KDM2A: variants seen among roughly 807,000 people sequenced by gnomAD.
The protein encoded by KDM2A is lysine demethylase 2A, also known as lysine-specific demethylase 2A.
Under a neutral mutation model 137.3 loss-of-function variants are expected in KDM2A, and 3 were observed. The ratio of observed to expected loss-of-function variants is 0.02; its 90% CI spans 0.01 to 0.06. KDM2A has a LOEUF of 0.06. Ranked by LOEUF, KDM2A falls within the 10% of genes least tolerant of loss-of-function variation. The probability of loss-of-function intolerance (pLI) is 1.00; values close to 1 mark genes in which losing one functional copy is unlikely to be tolerated. For missense variants in KDM2A, 738 were observed against 1,510.6 expected (o/e 0.49, Z 8.48); for synonymous variants, 512 against 541.5 (o/e 0.95, Z 0.76).
At chr11:67,183,874 T>C (rs1857144917) in intron 5 of KDM2A, among the ~76,000 whole-genome samples, 1 of 152,016 alleles carries the variant, frequency 6.6e-6, no homozygotes, top group South Asian at 2.1e-4. Context: ...TCTGGGAGGC[T>C]GAGGCAGGTG....
At chr11:67,159,522 C>T (rs1479226738) in intron 2 of KDM2A, among the ~76,000 whole-genome samples, 1 of 152,110 alleles carries the variant, frequency 6.6e-6, no homozygotes, top group Non-Finnish European at 1.5e-5. Flanking sequence ...TGTATCAGGT[C>T]AGGAGATACA....
At chr11:67,148,466 CAAAT>C (rs1856306932) in intron 2 of KDM2A, among the ~76,000 whole-genome samples, 1 of 151,624 alleles carries the variant, frequency 6.6e-6, no homozygotes, top group Non-Finnish European at 1.5e-5. Flanking sequence ...GGGTAAAACT[CAAAT>C]AATAGGTATC....
At chr11:67,134,653 C>A (rs561805283) in intron 2 of KDM2A, among the ~76,000 whole-genome samples, 1 of 151,750 alleles carries the variant, frequency 6.6e-6, no homozygotes, top group Non-Finnish European at 1.5e-5. Context: ...TACAGGTATG[C>A]GTCGCCACGC....
intron 9 of KDM2A, among the ~76,000 whole-genome samples, chr11:67,218,970 A>G (rs888535930): frequency 1.3e-5 from 2 of 152,208 alleles, no homozygotes; most frequent in Admixed American, 1.3e-4. Flanking sequence ...CAGGGAAGCC[A>G]AAAGATTGGA....
In KDM2A at chr11:67,255,705, C is replaced by T; in HGVS notation, c.*650C>T. ...CACATAATTAGGTTTCCCACCCCAGCCTACCCGACTTACTTGCTAGTCTCT... is the reference window on the plus strand; with the variant it reads ...CACATAATTAGGTTTCCCACCCCAGTCTACCCGACTTACTTGCTAGTCTCT... On this transcript the variant is annotated 3_prime_UTR_variant, in exon 21 of 21. Coordinates refer to ENST00000529006, the MANE Select transcript of KDM2A (RefSeq NM_012308.3). 1 of 391,684 alleles carries T rather than the reference C, an allele frequency of 2.6e-6. No homozygotes were observed. The highest frequency in any genetic ancestry group is 1.9e-5 in the South Asian group (1 of 53,930). The allele number at this position is 391,684 out of a possible 1,614,324, so 24.3% of individuals were successfully genotyped here. A position where few individuals can be genotyped will look rare whatever the true frequency, so the allele number is the denominator to read the frequency against.
In KDM2A at chr11:67,255,049, C is replaced by G; in HGVS notation, c.3483C>G (p.Ile1161Met). ...CLSDEKLIQK[I>M]S ...CTGACGAGAAGCTGATACAGAAGAT[C>G]AGCTAAGACACACCCAGCCCAGATT... The change falls in exon 21 of 21, where the codon ATC (isoleucine) becomes ATG (methionine). Residue 1161 changes from isoleucine (I) to methionine (M), a missense_variant. Ile to Met is a conservative substitution (Grantham distance 10). Around this residue, in one of 9 missense-constraint regions of KDM2A, gnomAD observed 166 missense variants for 324.0 expected, o/e 0.51. Transcript: ENST00000529006. 1 of 1,608,868 alleles carries G rather than the reference C, an allele frequency of 6.2e-7. No individual in the cohort carries two copies. The highest frequency in any genetic ancestry group is 2.2e-5 in the East Asian group (1 of 44,678).
At chr11:67,216,546 C>CT (rs1265311141) in intron 8 of KDM2A, among the ~76,000 whole-genome samples, 2 of 152,224 alleles carry the variant, frequency 1.3e-5, no homozygotes, top group Non-Finnish European at 2.9e-5. Flanking sequence ...TCTTGTTACT[C>CT]TTTTTTCTCT....
At chr11:67,240,509 G>A (rs562369226) in intron 12 of KDM2A, 1 of 722,156 alleles carries the variant, frequency 1.4e-6, no homozygotes, top group East Asian at 2.7e-5. Flanking sequence ...TGCTTGAGCC[G>A]TCATTGCACT....
At chr11:67,237,030 T>G (rs914057081) in intron 12 of KDM2A, among the ~76,000 whole-genome samples, 1 of 152,080 alleles carries the variant, frequency 6.6e-6, no homozygotes, top group Non-Finnish European at 1.5e-5. Flanking sequence ...AGTGGCAGAG[T>G]CTATCCTGAG....
chr11:67,258,067 G>T lies in KDM2A; in HGVS notation c.*3012G>T, dbSNP rs149129143. The T allele has an allele frequency of 5.9e-5, 9 of 152,154 alleles. No individual in the cohort carries two copies. Among genetic ancestry groups the T allele is most frequent in the African/African-American group, 1.9e-4 (8 of 41,488 alleles). The allele number at this position is 152,154 out of a possible 1,614,324, so 9.4% of individuals were successfully genotyped here. A position where few individuals can be genotyped will look rare whatever the true frequency, so the allele number is the denominator to read the frequency against. The stretch of plus-strand genomic sequence containing the variant: ...TTTGTTTTTTTAAAAAAATAAAAAG[G>T]CTTTAAAAACAAAAACTAAACCTTT... On this transcript the variant is annotated 3_prime_UTR_variant, in exon 21 of 21. Coordinates refer to ENST00000529006, the MANE Select transcript of KDM2A (RefSeq NM_012308.3).
At chr11:67,150,862 G>A (rs1179551802) in intron 2 of KDM2A, among the ~76,000 whole-genome samples, 1 of 151,890 alleles carries the variant, frequency 6.6e-6, no homozygotes, top group Non-Finnish European at 1.5e-5. Flanking sequence ...TTGGAGGTGG[G>A]GGTGGGGTGG....
intron 2 of KDM2A, among the ~76,000 whole-genome samples, chr11:67,154,163 A>C (rs1856464318): frequency 6.6e-6 from 1 of 152,230 alleles, no homozygotes; most frequent in Non-Finnish European, 1.5e-5. Context: ...TTAGTCACTC[A>C]GTGTATTAAT....
At chr11:67,179,576 G>A (rs11227728) in intron 2 of KDM2A, among the ~76,000 whole-genome samples, 9,491 of 152,160 alleles carry the variant, frequency 0.062, 993 homozygotes, top group African/African-American at 0.22. Flanking sequence ...CACCGCACCC[G>A]GCCTGGAATG....
At chr11:67,141,493 C>T (rs1006007386) in intron 2 of KDM2A, among the ~76,000 whole-genome samples, 7 of 151,286 alleles carry the variant, frequency 4.6e-5, no homozygotes, top group East Asian at 1.9e-4. Flanking sequence ...GGTGAAACCC[C>T]GTCTCTACTA....
chr11:67,143,134 G>A (rs1856155320), intron 2 of KDM2A: 1 of 148,100 alleles, frequency 6.8e-6, no homozygotes, highest in Non-Finnish European at 1.5e-5. Flanking sequence ...TGATTCTCTT[G>A]CGTCAGCATC....
At chr11:67,166,355 T>C (rs1856744658) in intron 2 of KDM2A, among the ~76,000 whole-genome samples, 1 of 151,962 alleles carries the variant, frequency 6.6e-6, no homozygotes, top group Non-Finnish European at 1.5e-5. Context: ...CGGCTAATTT[T>C]CACATTTTTT....
At chr11:67,195,805 G>T (rs1857465621) in intron 5 of KDM2A, 1 of 200,782 alleles carries the variant, frequency 5.0e-6, no homozygotes, top group Admixed American at 5.4e-5. Context: ...AATTTAGTTA[G>T]AATTGTTAAT....
At chr11:67,234,350 C>T (rs1335503453) in intron 12 of KDM2A, among the ~76,000 whole-genome samples, 1 of 152,136 alleles carries the variant, frequency 6.6e-6, no homozygotes, top group Non-Finnish European at 1.5e-5. Context: ...ACCCTTCCTG[C>T]AGAGAAAGGA....
intron 2 of KDM2A, 121 bp downstream of exon 2, chr11:67,121,479 C>T (rs761501820): frequency 1.9e-4 from 167 of 871,948 alleles, no homozygotes; most frequent in Non-Finnish European, 3.0e-4. Flanking sequence ...TTCTGTGCAC[C>T]AGAGGAGGGG....
Sources: allele counts gnomAD v4.1 joint callset (sites outside exome capture counted in the v4.1 genomes callset), GRCh38; gene constraint gnomAD v4.1.1; regional missense constraint gnomAD v4.1.1; transcripts MANE v1.5; gene names NCBI Gene and HGNC (gene_info 2026-07-23, HGNC 2026-07-21).